The following CLDN18 variants were observed in gnomAD, a reference collection of about 807,000 sequenced individuals.
CLDN18 encodes claudin-18.
In CLDN18, 20 loss-of-function variants were observed where a neutral mutation model predicts 25.0. The observed-to-expected ratio is 0.80, with a 90% CI of 0.56 to 1.16. The LOEUF (loss-of-function observed/expected upper bound fraction) is 1.16, where lower values mean the gene tolerates loss of function less well. CLDN18 is among the 50% of genes most tolerant of loss of function. CLDN18 has a pLI of 0.00. For synonymous variants in CLDN18, 125 were observed against 135.6 expected (o/e 0.92, Z 0.54); for missense variants, 297 against 345.4 (o/e 0.86, Z 1.11).
chr3:138,005,789 A>G (rs1002956256), upstream of CLDN18, among the ~76,000 whole-genome samples: 4 of 152,212 alleles, frequency 2.6e-5, no homozygotes, highest in Non-Finnish European at 4.4e-5. Context: ...TGACAACTTA[A>G]TTTCACTCCT....
rs1188241648 is a variant in CLDN18 at position 138,032,722 on chromosome 3, G to A, written c.*1581G>A. 7 of 152,180 alleles carry A rather than the reference G, an allele frequency of 4.6e-5. No homozygotes were observed. Among genetic ancestry groups the A allele is most frequent in the Non-Finnish European group, 8.8e-5 (6 of 68,068 alleles). The allele number at this position is 152,180 out of a possible 1,614,324, so 9.4% of individuals were successfully genotyped here. On this transcript the variant is annotated 3_prime_UTR_variant, in exon 5 of 5. Coordinates refer to ENST00000183605, the MANE Select transcript of CLDN18 (RefSeq NM_016369.4). The stretch of plus-strand genomic sequence containing the variant: ...GCCTCCCAAGTAGCTGGAATTACAG[G>A]TGTGCGCCATCACAACTAGCTGGTG...
At chr3:138,013,025 A>G (rs879854176) in intron 1 of CLDN18, among the ~76,000 whole-genome samples, 13 of 152,208 alleles carry the variant, frequency 8.5e-5, no homozygotes, top group Non-Finnish European at 2.9e-5. Context: ...GATAAGAATT[A>G]TTTCCCCATT....
chr3:138,018,411 A>G (rs9289555), intron 1 of CLDN18, among the ~76,000 whole-genome samples: 53,386 of 141,902 alleles, frequency 0.38, 11,157 homozygotes, highest in Middle Eastern at 0.61. Context: ...ATCTCGGCTC[A>G]CTGCAAGCTC....
chr3:138,026,336 A>G (rs1215281242), intron 3 of CLDN18, among the ~76,000 whole-genome samples: 1 of 152,214 alleles, frequency 6.6e-6, no homozygotes, highest in Admixed American at 6.5e-5. Flanking sequence ...ATCTGAACCA[A>G]TTACCAACTT....
At chr3:138,021,096 C>T (rs1007029835) in intron 1 of CLDN18, among the ~76,000 whole-genome samples, 19 of 152,076 alleles carry the variant, frequency 1.2e-4, no homozygotes, top group Non-Finnish European at 2.2e-4. Context: ...CCATGGATTA[C>T]ATTTTTGAAT....
chr3:138,013,509 C>CT (rs1383055534), intron 1 of CLDN18, among the ~76,000 whole-genome samples: 1 of 152,232 alleles, frequency 6.6e-6, no homozygotes, highest in Non-Finnish European at 1.5e-5. Context: ...AGAAGAAAGG[C>CT]TTGAAGGAGG....
At chr3:138,010,677 C>A (rs185166626) in intron 1 of CLDN18, among the ~76,000 whole-genome samples, 1 of 152,300 alleles carries the variant, frequency 6.6e-6, no homozygotes, top group East Asian at 1.9e-4. Flanking sequence ...AGGAGGCAGG[C>A]CTCAAGAAGA....
At chr3:138,029,937 C>A in intron 4 of CLDN18, 30 bp downstream of exon 4, 1 of 1,355,132 alleles carries the variant, frequency 7.4e-7, no homozygotes, top group African/African-American at 1.4e-5. Context: ...TGCAACCAGA[C>A]GTTTTATTTG....
intron 1 of CLDN18, among the ~76,000 whole-genome samples, chr3:138,003,019 G>A (rs764820526): frequency 2.6e-5 from 4 of 152,174 alleles, no homozygotes; most frequent in Non-Finnish European, 5.9e-5. Flanking sequence ...GAATATAGGT[G>A]TCAAAGGGCT....
chr3:137,998,837 C>T (rs1160779001), exon 1 of CLDN18: 3 of 1,603,012 alleles, frequency 1.9e-6, no homozygotes, highest in African/African-American at 1.3e-5. Flanking sequence ...GTCCACTTGT[C>T]GTGTGGCTCT....
chr3:138,022,215 C>T (rs1332562964), intron 1 of CLDN18, among the ~76,000 whole-genome samples: 3 of 152,170 alleles, frequency 2.0e-5, no homozygotes, highest in African/African-American at 7.2e-5. Flanking sequence ...CCAGCACAAA[C>T]ATTCTGTATA....
intron 1 of CLDN18, 129 bp downstream of exon 1, chr3:138,010,574 A>C: frequency 8.3e-7 from 1 of 1,203,378 alleles, no homozygotes; most frequent in South Asian, 1.5e-5. Context: ...GAAAGGTGTG[A>C]ATAAAAGGAG....
At chr3:138,004,457 G>A (rs145282658) in intron 1 of CLDN18, among the ~76,000 whole-genome samples, 2 of 151,818 alleles carry the variant, frequency 1.3e-5, no homozygotes, top group Non-Finnish European at 2.9e-5. Flanking sequence ...CAAAAAAAAC[G>A]AAAGTTTTTT....
At chr3:138,017,945 C>T (rs1233800897) in intron 1 of CLDN18, among the ~76,000 whole-genome samples, 1 of 152,104 alleles carries the variant, frequency 6.6e-6, no homozygotes, top group Non-Finnish European at 1.5e-5. Context: ...AAGCTAGGAA[C>T]CAGAATGCCT....
intron 1 of CLDN18, among the ~76,000 whole-genome samples, chr3:138,004,025 T>TA (rs1402225554): frequency 6.6e-6 from 1 of 151,936 alleles, no homozygotes; most frequent in African/African-American, 2.4e-5. Context: ...TACAAAAAAA[T>TA]TAGCCAGGTG....
upstream of CLDN18, among the ~76,000 whole-genome samples, chr3:138,008,864 T>C (rs565633160): frequency 6.6e-6 from 1 of 152,158 alleles, no homozygotes; most frequent in South Asian, 2.1e-4. Context: ...AGGCAGAATT[T>C]GCAGTGACCC....
chr3:137,998,824 G>C, exon 1 of CLDN18: 2 of 1,573,880 alleles, frequency 1.3e-6, no homozygotes, highest in Non-Finnish European at 1.7e-6. Flanking sequence ...TCAGAATTGC[G>C]CTGTCCACTT....
chr3:138,005,576 GT>G (rs1044556688), upstream of CLDN18, among the ~76,000 whole-genome samples: 1 of 151,802 alleles, frequency 6.6e-6, no homozygotes, highest in Non-Finnish European at 1.5e-5. Flanking sequence ...ACTCATATTC[GT>G]TTTTTTCAAA....
At chr3:138,026,536 T>G (rs185785768) in intron 3 of CLDN18, among the ~76,000 whole-genome samples, 13 of 152,138 alleles carry the variant, frequency 8.5e-5, no homozygotes, top group African/African-American at 2.9e-4. Flanking sequence ...TCCCAGCTAC[T>G]TGGGAGACTG....
Sources: allele counts gnomAD v4.1 joint callset (sites outside exome capture counted in the v4.1 genomes callset), GRCh38; gene constraint gnomAD v4.1.1; transcripts MANE v1.5; gene names NCBI Gene and HGNC (gene_info 2026-07-23, HGNC 2026-07-21).